The following SEMA4B variants were observed in gnomAD, a reference collection of about 807,000 sequenced individuals.
The protein encoded by SEMA4B is semaphorin 4B, also known as semaphorin-4B.
In SEMA4B, 55 loss-of-function variants were observed where a neutral mutation model predicts 88.1. That is an observed-to-expected ratio of 0.62 (90% CI 0.50 to 0.78). The LOEUF is 0.78. Ranked by LOEUF, SEMA4B falls within the 30% of genes least tolerant of loss-of-function variation. The pLI, the probability that SEMA4B is intolerant of heterozygous loss-of-function variation, is 0.00. For synonymous variants in SEMA4B, 525 were observed against 473.6 expected (o/e 1.11, Z -1.41); for missense variants, 1,062 against 1,111.9 (o/e 0.96, Z 0.64).
Position 90,221,665 on chromosome 15 carries a change from A to G in SEMA4B, c.761A>G (p.Gln254Arg). 6.2e-7 allele frequency: 1 copy of G among 1,614,044 alleles called. No individual in the cohort carries two copies. Among genetic ancestry groups the G allele is most frequent in the Non-Finnish European group, 8.5e-7 (1 of 1,179,904 alleles). The change falls in exon 7 of 14, where the codon CAA (glutamine) becomes CGA (arginine). Residue 254 changes from glutamine to arginine, a missense_variant. Transcript: ENST00000411539. The stretch of plus-strand genomic sequence containing the variant: ...ATTCCTGAGAGCCTGGGCAGCTTGC[A>G]AGGCGATGATGACAAGATCTACTTT... ...AYIPESLGSL[Q>R]GDDDKIYFFF...
intron 1 of SEMA4B, among the ~76,000 whole-genome samples, chr15:90,190,189 A>C (rs1019004515): frequency 3.9e-5 from 6 of 152,142 alleles, no homozygotes; most frequent in African/African-American, 1.4e-4. Flanking sequence ...CCAGGCATGG[A>C]TCTTTGGTGC....
Position 90,225,840 on chromosome 15 carries a change from A to G in SEMA4B, c.1688+13A>G, listed in dbSNP as rs1441284341. ...AGCTGGCCACCAGGTGAGCACTCCC[A>G]AAGGCCCCTTCCCATCTGTCCAGCC... On this transcript the variant is annotated intron_variant, in intron 12 of 13. Coordinates refer to ENST00000411539, the MANE Select transcript of SEMA4B (RefSeq NM_198925.4). 3 of 1,505,642 alleles carry G rather than the reference A, an allele frequency of 2.0e-6. No individual in the cohort carries two copies. Among genetic ancestry groups the G allele is most frequent in the African/African-American group, 2.8e-5 (2 of 72,240 alleles). The allele number at this position is 1,505,642 out of a possible 1,614,324, so 93.3% of individuals were successfully genotyped here.
Position 90,188,735 on chromosome 15 carries a change from T to C in SEMA4B, c.-122+3654T>C, listed in dbSNP as rs546059576. Among the ~76,000 whole-genome samples the C allele has an allele frequency of 1.4e-4, 21 of 152,196 alleles. No individual in the cohort carries two copies. In the East Asian group the frequency reaches 3.9e-3, roughly 28 times the overall value. On this transcript the variant is annotated intron_variant, in intron 1 of 14. Coordinates refer to the SEMA4B transcript ENST00000332496. ...TCACTCTGGGTGCAGTGGCGCTATCTCGGCTCACTGCAAGCTCCGCCCCCC... is the reference window on the plus strand; with the variant it reads ...TCACTCTGGGTGCAGTGGCGCTATCCCGGCTCACTGCAAGCTCCGCCCCCC...
intron 1 of SEMA4B, among the ~76,000 whole-genome samples, chr15:90,204,714 G>A (rs988726473): frequency 1.3e-5 from 2 of 152,106 alleles, no homozygotes; most frequent in African/African-American, 2.4e-5. Context: ...AACAAAACAC[G>A]CCTCCTCTCA....
At position 90,221,588 on chromosome 15, in the gene SEMA4B, C is replaced by G; in HGVS notation, c.710-26C>G. On this transcript the variant is annotated intron_variant, in intron 6 of 13. Transcript: ENST00000411539. ...TGTCTCCAGGGTTCCTGGGCTGACT[C>G]TGAGCTCCTGACCTGGTCCCTACAG... 2.5e-6 allele frequency: 4 copies of G among 1,613,036 alleles called. No individual in the cohort carries two copies. In the Middle Eastern group the frequency reaches 6.6e-4, roughly 266 times the overall value.
rs987537351 is a variant in SEMA4B at position 90,223,578 on chromosome 15, G to C, written c.881G>C (p.Arg294Pro). The C allele has an allele frequency of 6.2e-7, 1 of 1,600,998 alleles. No homozygotes were observed. Among genetic ancestry groups the C allele is most frequent in the Admixed American group, 1.7e-5 (1 of 58,648 alleles). ...RICKGDEGGE[R>P]VLQQRWTSFL... ...CTCCAGGGCGATGAGGGTGGAGAGC[G>C]GGTGCTACAGCAGCGCTGGACCTCC... The change falls in exon 8 of 14, where the codon CGG (arginine) becomes CCG (proline). Residue 294 changes from arginine to proline, a missense_variant. By Grantham distance (103) the Arg-to-Pro change is moderately radical. Transcript: ENST00000411539.
chr15:90,221,254 C>T (rs1285621187), intron 5 of SEMA4B, 113 bp from the exon 6 acceptor site: 6 of 1,158,622 alleles, frequency 5.2e-6, no homozygotes. Context: ...GTTCCAGCTT[C>T]CTTCTCTGCC....
rs1223345237 is a variant in SEMA4B at position 90,228,851 on chromosome 15, G to C, written c.*208G>C. 8 of 649,352 alleles carry C rather than the reference G, an allele frequency of 1.2e-5. No individual in the cohort carries two copies. The allele number at this position is 649,352 out of a possible 1,614,324, so 40.2% of individuals were successfully genotyped here. On this transcript the variant is annotated 3_prime_UTR_variant, in exon 14 of 14. Coordinates refer to ENST00000411539, the MANE Select transcript of SEMA4B (RefSeq NM_198925.4). ...CACCCAAACAGCCGTGGCCCCAGAG[G>C]TCCTGGCCAAATATGGGGGCCTGCC...
chr15:90,208,819 GCAACCTCC>G (rs1961119522), intron 1 of SEMA4B, among the ~76,000 whole-genome samples: 1 of 150,058 alleles, frequency 6.7e-6, no homozygotes, highest in Non-Finnish European at 1.5e-5. Context: ...TTGGCTCACT[GCAACCTCC>G]ACCTCCCAGG....
chr15:90,187,327 T>C (rs796728856), intron 1 of SEMA4B, among the ~76,000 whole-genome samples: 57 of 152,314 alleles, frequency 3.7e-4, no homozygotes, highest in African/African-American at 1.3e-3. Flanking sequence ...GGGGAAAAGA[T>C]CCAGGAAGGA....
In SEMA4B at chr15:90,219,796, G is replaced by T; in HGVS notation, c.388G>T (p.Asp130Tyr). The change falls in exon 4 of 14, where the codon GAC (aspartate) becomes TAC (tyrosine). Residue 130 changes from aspartate (D) to tyrosine (Y), a missense_variant. Physicochemically the swap from Asp to Tyr is radical, Grantham distance 160. Transcript: ENST00000411539. ...CSFKGKDPQR[D>Y]CQNYIKILLP... Reference sequence around the variant, plus strand: ...TCCCCTCGCTCCTTCCCCCCAGCGCGACTGTCAAAACTACATCAAGATCCT... The same window carrying T: ...TCCCCTCGCTCCTTCCCCCCAGCGCTACTGTCAAAACTACATCAAGATCCT... 1 of 1,612,932 alleles carries T rather than the reference G, an allele frequency of 6.2e-7. No individual in the cohort carries two copies. The highest frequency in any genetic ancestry group is 8.5e-7 in the Non-Finnish European group (1 of 1,179,464).
At chr15:90,199,684 G>C (rs1424892356), upstream of SEMA4B, among the ~76,000 whole-genome samples, 3 of 152,088 alleles carry the variant, frequency 2.0e-5, no homozygotes, top group African/African-American at 7.2e-5. Flanking sequence ...AAATTAGCGG[G>C]GTGTGGTGGC....
intron 1 of SEMA4B, among the ~76,000 whole-genome samples, chr15:90,204,931 A>G (rs116599784): frequency 2.6e-5 from 4 of 152,140 alleles, no homozygotes; most frequent in Non-Finnish European, 4.4e-5. Flanking sequence ...GCCCGCCACC[A>G]TGCTTAGCTA....
intron 1 of SEMA4B, among the ~76,000 whole-genome samples, chr15:90,208,419 A>T (rs2151602306): frequency 6.6e-6 from 1 of 152,276 alleles, no homozygotes; most frequent in South Asian, 2.1e-4. Flanking sequence ...CGTGTGAAAA[A>T]GGGCTAGAGT....
chr15:90,200,360 G>A (rs1335245222), upstream of SEMA4B, among the ~76,000 whole-genome samples: 1 of 152,210 alleles, frequency 6.6e-6, no homozygotes, highest in Non-Finnish European at 1.5e-5. Flanking sequence ...TTAACTACAG[G>A]AGGAACTACT....
rs144265159 is a variant in SEMA4B at position 90,207,576 on chromosome 15, C to T, written c.157+5841C>T. On this transcript the variant is annotated intron_variant, in intron 1 of 13. Coordinates refer to ENST00000411539, the MANE Select transcript of SEMA4B (RefSeq NM_198925.4). Reference sequence around the variant, plus strand: ...AAGCTAACTCATTATCAAGGTCATGCAGCTATAGAAGAGTTTGGGACCAAG... The same window carrying T: ...AAGCTAACTCATTATCAAGGTCATGTAGCTATAGAAGAGTTTGGGACCAAG... Among the ~76,000 whole-genome samples, 22 of 152,308 alleles carry T rather than the reference C, an allele frequency of 1.4e-4. No individual in the cohort carries two copies. In the East Asian group the frequency reaches 4.1e-3, roughly 28 times the overall value.
intron 1 of SEMA4B, chr15:90,206,526 G>C: frequency 2.5e-6 from 1 of 405,752 alleles, no homozygotes. Context: ...GGAGGCTCAG[G>C]CTCAGTTGCG....
intron 1 of SEMA4B, among the ~76,000 whole-genome samples, chr15:90,215,264 G>T (rs1961479293): frequency 6.6e-6 from 1 of 151,412 alleles, no homozygotes; most frequent in African/African-American, 2.4e-5. Flanking sequence ...ATTATATAAG[G>T]ATAACCTGCT....
chr15:90,222,301 G>T (rs568448215), intron 7 of SEMA4B, among the ~76,000 whole-genome samples: 1 of 147,090 alleles, frequency 6.8e-6, no homozygotes, highest in African/African-American at 2.5e-5. Flanking sequence ...CGGGCATGGT[G>T]GCTCACGCCT....
Sources: gnomAD v4.1 joint callset for allele counts (sites outside exome capture counted in the v4.1 genomes callset) on GRCh38, gnomAD v4.1.1 for gene constraint, MANE v1.5 for transcripts, NCBI Gene and HGNC (gene_info 2026-07-23, HGNC 2026-07-21) for gene names.